Variants in PDE3B observed in about 807,000 individuals in gnomAD.
PDE3B encodes the protein phosphodiesterase 3B.
PDE3B carries 66 observed loss-of-function variants against 116.8 expected under a neutral mutation model. The ratio of observed to expected loss-of-function variants is 0.56; its 90% CI spans 0.46 to 0.69. PDE3B has a LOEUF of 0.69. Ranked by LOEUF, PDE3B falls within the 30% of genes least tolerant of loss-of-function variation. The pLI is 0.00. For missense variants in PDE3B, 1,384 were observed against 1,368.1 expected (o/e 1.01, Z -0.18); for synonymous variants, 595 against 533.6 (o/e 1.12, Z -1.59).
At position 14,870,294 on chromosome 11, in the gene PDE3B, G is replaced by A. The variant is rs1400504484; in HGVS notation, c.*634G>A. 5.2e-5 allele frequency: 8 copies of A among 152,534 alleles called. No homozygotes were observed. The highest frequency in any genetic ancestry group is 1.9e-4 in the African/African-American group (8 of 41,428). 9.4% of individuals were successfully genotyped at this position (152,534 alleles called of 1,614,324 possible). A position where few individuals can be genotyped will look rare whatever the true frequency, so the allele number is the denominator to read the frequency against. On this transcript the variant is annotated 3_prime_UTR_variant, in exon 16 of 16. Coordinates refer to ENST00000282096, the MANE Select transcript of PDE3B (RefSeq NM_000922.4). This position sits in a 1 kb window ranked among gnomAD's most constrained non-coding sequence, Gnocchi z 4.1. ...AATTTCTGATGCTTTTTACTATTGT[G>A]TATTATCTACTATGTGTGTTTTATT...
chr11:14,704,404 T>G (rs1380747913), intron 1 of PDE3B, among the ~76,000 whole-genome samples: 2 of 151,822 alleles, frequency 1.3e-5, no homozygotes, highest in East Asian at 3.9e-4. Flanking sequence ...AAATCTCAAC[T>G]GTCTTTTTCT....
intron 5 of PDE3B, among the ~76,000 whole-genome samples, chr11:14,813,353 A>T (rs1859212877): frequency 6.6e-6 from 1 of 152,118 alleles, no homozygotes. Context: ...CAGTTTCCAG[A>T]GGCCTTCCTA....
chr11:14,663,696 G>T (rs1854018274), intron 1 of PDE3B, among the ~76,000 whole-genome samples: 1 of 152,106 alleles, frequency 6.6e-6, no homozygotes, highest in Non-Finnish European at 1.5e-5. Context: ...AGGGTAAAGG[G>T]ATCAATTCAA....
Position 14,804,009 on chromosome 11 carries a change from C to A in PDE3B, c.1481C>A (p.Ser494Tyr), listed in dbSNP as rs771204028. ...NLLTIPKQRS[S>Y]SVSLTHHVGL... ...CTGACTATCCCGAAGCAAAGGTCAT[C>A]TTCTGTATCACTGACTCACCATGTA... is the stretch of plus-strand genomic sequence containing the variant. Residue 494 changes from serine to tyrosine, a missense_variant, in exon 5 of 16, where the codon TCT becomes TAT. By Grantham distance (144) the Ser-to-Tyr change is moderately radical (BLOSUM62 -2). Around this residue, in one of 2 missense-constraint regions of PDE3B, gnomAD observed 956 missense variants for 806.8 expected, o/e 1.18. Coordinates refer to ENST00000282096, the MANE Select transcript of PDE3B (RefSeq NM_000922.4). 6.2e-7 allele frequency: 1 copy of A among 1,611,070 alleles called. No individual in the cohort carries two copies. Among genetic ancestry groups the A allele is most frequent in the Admixed American group, 1.7e-5 (1 of 60,004 alleles).
chr11:14,760,155 A>T (rs1021240707), intron 1 of PDE3B, among the ~76,000 whole-genome samples: 2 of 152,126 alleles, frequency 1.3e-5, no homozygotes, highest in Non-Finnish European at 2.9e-5. Flanking sequence ...AGTTGCTTAG[A>T]CTTGCTCAGC....
At chr11:14,702,150 C>G (rs1855383544) in intron 1 of PDE3B, among the ~76,000 whole-genome samples, 1 of 151,580 alleles carries the variant, frequency 6.6e-6, no homozygotes, top group Admixed American at 6.6e-5. Context: ...TTGTCCTTCA[C>G]TTCATCTTTC....
At chr11:14,813,606 C>T (rs933605712) in intron 5 of PDE3B, among the ~76,000 whole-genome samples, 1 of 152,204 alleles carries the variant, frequency 6.6e-6, no homozygotes, top group Non-Finnish European at 1.5e-5. Flanking sequence ...GATCAGCAAC[C>T]TTAAGGCCAT....
At position 14,786,450 on chromosome 11, in the gene PDE3B, G is replaced by T; in HGVS notation, c.1043G>T (p.Gly348Val). Residue 348 changes from glycine to valine, a missense_variant, in exon 3 of 16, where the codon GGA becomes GTA. By Grantham distance (109) the Gly-to-Val change is moderately radical. Transcript: ENST00000282096. ...TTTTCTTTCTAGAATTCTGGAGGTG[G>T]AAATGGAGTTGATCTTTCAGTGCTA... is the stretch of plus-strand genomic sequence containing the variant. The part of the protein sequence containing the change: ...YKPHYQNSGG[G>V]NGVDLSVLNE... 2 of 1,610,780 alleles carry T rather than the reference G, an allele frequency of 1.2e-6. No individual in the cohort carries two copies. Among genetic ancestry groups the T allele is most frequent in the South Asian group, 1.1e-5 (1 of 90,758 alleles).
At chr11:14,811,720 A>AT (rs1460305220) in intron 5 of PDE3B, among the ~76,000 whole-genome samples, 5 of 151,830 alleles carry the variant, frequency 3.3e-5, no homozygotes, top group Non-Finnish European at 5.9e-5. Flanking sequence ...GAATCTGTAA[A>AT]TTACCTTGGG....
intron 11 of PDE3B, among the ~76,000 whole-genome samples, chr11:14,835,707 T>C (rs993606421): frequency 6.6e-6 from 1 of 152,186 alleles, no homozygotes; most frequent in African/African-American, 2.4e-5. Context: ...GCCTATAATC[T>C]AGCACTTCTA....
At chr11:14,713,461 C>G (rs1054410952) in intron 1 of PDE3B, among the ~76,000 whole-genome samples, 1 of 152,218 alleles carries the variant, frequency 6.6e-6, no homozygotes, top group African/African-American at 2.4e-5. Context: ...TGCCTTCAAA[C>G]TGGGACATTG....
intron 12 of PDE3B, 56 bp from the exon 13 acceptor site, chr11:14,858,987 T>C (rs1847897871): frequency 8.1e-7 from 1 of 1,236,464 alleles, no homozygotes; most frequent in Non-Finnish European, 1.2e-6. Context: ...ATATTAAAGA[T>C]ATTAAACTTT....
intron 1 of PDE3B, among the ~76,000 whole-genome samples, chr11:14,650,308 A>T (rs1313973141): frequency 6.6e-6 from 1 of 151,756 alleles, no homozygotes; most frequent in Non-Finnish European, 1.5e-5. Context: ...GGCTCAAGTA[A>T]TCCTCCCACC....
chr11:14,754,305 A>G (rs1459572299), intron 1 of PDE3B, among the ~76,000 whole-genome samples: 2 of 152,188 alleles, frequency 1.3e-5, no homozygotes, highest in Admixed American at 6.6e-5. Flanking sequence ...CCTTAACTCT[A>G]TATAAATAAA....
At chr11:14,787,842 T>C (rs1442915901) in intron 3 of PDE3B, among the ~76,000 whole-genome samples, 4 of 151,898 alleles carry the variant, frequency 2.6e-5, no homozygotes, top group Non-Finnish European at 5.9e-5. Flanking sequence ...CTCTATATGT[T>C]ACTCTTTCTT....
chr11:14,859,003 C>A, intron 12 of PDE3B, 40 bp from the exon 13 acceptor site: 1 of 1,411,218 alleles, frequency 7.1e-7, no homozygotes, highest in South Asian at 1.2e-5. Context: ...ACTTTAATAT[C>A]TTTGAGGTGT....
chr11:14,768,762 C>T (rs1857561632), intron 1 of PDE3B, among the ~76,000 whole-genome samples: 1 of 151,408 alleles, frequency 6.6e-6, no homozygotes, highest in African/African-American at 2.4e-5. Flanking sequence ...TTGTAAAATA[C>T]ACTAAAAATG....
chr11:14,757,241 T>G (rs982559176), intron 1 of PDE3B, among the ~76,000 whole-genome samples: 1 of 151,454 alleles, frequency 6.6e-6, no homozygotes, highest in Admixed American at 6.6e-5. Flanking sequence ...TTTGCTATTG[T>G]GAATAATGCC....
At position 14,832,789 on chromosome 11, in the gene PDE3B, T is replaced by C; in HGVS notation, c.2162T>C (p.Met721Thr). 1 of 1,544,652 alleles carries C rather than the reference T, an allele frequency of 6.5e-7. No homozygotes were observed. Among genetic ancestry groups the C allele is most frequent in the Admixed American group, 1.7e-5 (1 of 57,418 alleles). The change falls in exon 10 of 16, where the codon ATG (methionine) becomes ACG (threonine). Residue 721 changes from methionine to threonine, a missense_variant. Met to Thr is a moderately conservative substitution (Grantham distance 81, BLOSUM62 -1). Coordinates refer to ENST00000282096, the MANE Select transcript of PDE3B (RefSeq NM_000922.4). ...EIFKIPTQQFMNYFRALENGY... is the reference protein window; with the variant it reads ...EIFKIPTQQFTNYFRALENGY... ...TTTAAAATTCCCACTCAACAATTTA[T>C]GAACTATTTTCGTGCATTAGAAAAT...
Sources: gnomAD v4.1 joint callset for allele counts (sites outside exome capture counted in the v4.1 genomes callset) on GRCh38, gnomAD v4.1.1 for gene constraint, gnomAD v4.1.1 regional missense constraint, Gnocchi (gnomAD v3.1) non-coding constraint, MANE v1.5 for transcripts, NCBI Gene and HGNC (gene_info 2026-07-23, HGNC 2026-07-21) for gene names.